ENAH: variants seen among roughly 807,000 people sequenced by gnomAD.
ENAH encodes protein enabled homolog.
In ENAH, 23 loss-of-function variants were observed where a neutral mutation model predicts 78.7. The observed-to-expected ratio is 0.29, with a 90% CI of 0.21 to 0.41. The LOEUF (loss-of-function observed/expected upper bound fraction) is 0.41, where lower values mean the gene tolerates loss of function less well. Among genes scored for constraint, ENAH ranks in the 10% least tolerant of loss-of-function variants. The pLI, the probability that ENAH is intolerant of heterozygous loss-of-function variation, is 1.00. For synonymous variants in ENAH, 226 were observed against 241.0 expected, an observed-to-expected ratio of 0.94 and a Z score of 0.58; for missense variants, 544 against 691.0, an observed-to-expected ratio of 0.79 and a Z score of 2.39.
At chr1:225,505,132 G>T in intron 11 of ENAH, 1 of 1,032,546 alleles carries the variant, frequency 9.7e-7, no homozygotes, top group Non-Finnish European at 1.4e-6. Context: ...TGTTTTATAG[G>T]TTGTTAATAG....
intron 9 of ENAH, 27 bp from the exon 10 acceptor site, chr1:225,511,886 C>G (rs1303325841): frequency 6.8e-7 from 1 of 1,479,848 alleles, no homozygotes; most frequent in African/African-American, 1.4e-5. Flanking sequence ...ATATTAATAT[C>G]ACATCTACCA....
chr1:225,617,601 A>G (rs1049089684), intron 1 of ENAH, among the ~76,000 whole-genome samples: 5 of 152,202 alleles, frequency 3.3e-5, no homozygotes, highest in African/African-American at 1.2e-4. Flanking sequence ...ACAGGATGGC[A>G]ATTAATTTAG....
intron 1 of ENAH, among the ~76,000 whole-genome samples, chr1:225,593,178 C>T (rs926808519): frequency 1.3e-4 from 20 of 152,218 alleles, no homozygotes; most frequent in African/African-American, 4.8e-4. Context: ...AGACTAAAGA[C>T]GTCTAGCCAC....
intron 7 of ENAH, among the ~76,000 whole-genome samples, chr1:225,514,211 G>A (rs1336240040): frequency 1.3e-5 from 2 of 151,988 alleles, no homozygotes; most frequent in Admixed American, 1.3e-4. Flanking sequence ...CTGTCACCCA[G>A]GCTAGAGCGC....
rs1226711919 is a variant in ENAH at position 225,488,626 on chromosome 1, AGTTT to A, written c.*9145_*9148del. 2 of 152,232 alleles carry A rather than the reference AGTTT, an allele frequency of 1.3e-5. No individual in the cohort carries two copies. Among genetic ancestry groups the A allele is most frequent in the Non-Finnish European group, 2.9e-5 (2 of 68,020 alleles). The allele number at this position is 152,232 out of a possible 1,614,324, so 9.4% of individuals were successfully genotyped here. A position where few individuals can be genotyped will look rare whatever the true frequency, so the allele number is the denominator to read the frequency against. ...AAATAGAATTCTTTCTAGCTCATTC[AGTTT>A]TGTTAGAAACACTTCATGTTCTCCA... On this transcript the variant is annotated 3_prime_UTR_variant, in exon 14 of 14. Coordinates refer to ENST00000366843, the MANE Select transcript of ENAH (RefSeq NM_018212.6).
At chr1:225,593,161 C>G (rs952239838) in intron 1 of ENAH, among the ~76,000 whole-genome samples, 4 of 152,070 alleles carry the variant, frequency 2.6e-5, no homozygotes, top group East Asian at 1.9e-4. Flanking sequence ...ACCTTCCCCC[C>G]ACACACAGAC....
At chr1:225,567,506 G>A (rs1876086) in intron 1 of ENAH, 92 bp from the exon 2 acceptor site, 67,027 of 1,257,930 alleles carry the variant, frequency 0.053, 2,100 homozygotes, top group South Asian at 0.1. Flanking sequence ...GTCAGTCAAC[G>A]ATCAGTGCTG....
chr1:225,564,209 G>A (rs994287236), intron 2 of ENAH, among the ~76,000 whole-genome samples: 6 of 152,010 alleles, frequency 3.9e-5, no homozygotes, highest in Non-Finnish European at 8.8e-5. Context: ...CCACCTTCCA[G>A]GTTTAAGTGA....
At chr1:225,604,621 CAA>C (rs762454618) in intron 1 of ENAH, among the ~76,000 whole-genome samples, 31 of 88,928 alleles carry the variant, frequency 3.5e-4, no homozygotes, top group African/African-American at 9.2e-4. Flanking sequence ...CCGTCTCTAC[CAA>C]AAAAAAAAAA....
intron 4 of ENAH, among the ~76,000 whole-genome samples, chr1:225,523,318 A>C (rs565855267): frequency 6.6e-6 from 1 of 151,648 alleles, no homozygotes; most frequent in South Asian, 2.1e-4. Context: ...CACAAGCAGA[A>C]GGCCAGGCAT....
intron 1 of ENAH, among the ~76,000 whole-genome samples, chr1:225,611,105 A>G (rs2096986143): frequency 6.6e-6 from 1 of 152,152 alleles, no homozygotes; most frequent in Non-Finnish European, 1.5e-5. Context: ...GAGGGCATAA[A>G]GTGATGGTTA....
rs186720941 is a variant in ENAH at position 225,525,067 on chromosome 1, C to T, written c.434+5487G>A. Among the ~76,000 whole-genome samples, 16 of 152,230 alleles carry T rather than the reference C, an allele frequency of 1.1e-4. No homozygotes were observed. The East Asian group carries it at 2.9e-3, about 28-fold the overall frequency. On this transcript the variant is annotated intron_variant, in intron 4 of 13. Coordinates refer to ENST00000366843, the MANE Select transcript of ENAH (RefSeq NM_018212.6). ...CAGTAATCCTCTTACTAACGCTCAC[C>T]ACTTCTGATTTTGCTCCCCAGAAGC...
chr1:225,530,339 CA>C (rs903598300), intron 4 of ENAH, among the ~76,000 whole-genome samples: 2 of 149,878 alleles, frequency 1.3e-5, no homozygotes, highest in Non-Finnish European at 3.0e-5. Flanking sequence ...ATAATTTTTA[CA>C]AAAAAAAACA....
chr1:225,646,353 G>T (rs765633255), intron 1 of ENAH, among the ~76,000 whole-genome samples: 8 of 151,988 alleles, frequency 5.3e-5, no homozygotes, highest in Non-Finnish European at 8.8e-5. Context: ...TATGAAATGA[G>T]GAGGAGAGAG....
In ENAH at chr1:225,616,039, G is replaced by A. The variant is rs536802189; in HGVS notation, c.5+36647C>T. Among the ~76,000 whole-genome samples, 40 of 152,120 alleles carry A rather than the reference G, an allele frequency of 2.6e-4. No individual in the cohort carries two copies. In the South Asian group the frequency reaches 7.5e-3, roughly 28 times the overall value. On this transcript the variant is annotated intron_variant, in intron 1 of 13. Coordinates refer to ENST00000366843, the MANE Select transcript of ENAH (RefSeq NM_018212.6). ...AATCTATAACCTTACCCCCAACCCC[G>A]AGCTCTCTAAAACATGTGCTGTGTC...
chr1:225,541,198 G>A (rs2151325231), intron 3 of ENAH, among the ~76,000 whole-genome samples: 1 of 152,312 alleles, frequency 6.6e-6, no homozygotes, highest in East Asian at 1.9e-4. Flanking sequence ...ACTTTGGGAG[G>A]CCAAGGCGTG....
intron 1 of ENAH, among the ~76,000 whole-genome samples, chr1:225,601,533 A>C (rs543545544): frequency 2.1e-4 from 32 of 152,218 alleles, no homozygotes; most frequent in African/African-American, 7.5e-4. Context: ...CAAAAAAAAA[A>C]AAAAGAGAAG....
Position 225,530,040 on chromosome 1 carries a change from G to C in ENAH, c.434+514C>G, listed in dbSNP as rs548366295. The stretch of plus-strand genomic sequence containing the variant: ...CACCATCCTGGTACTCCAAAGGTTA[G>C]CCTGTCAGCCTACGTACTCTGACCA... On this transcript the variant is annotated intron_variant, in intron 4 of 13. Transcript: ENST00000366843. Among the ~76,000 whole-genome samples the C allele has an allele frequency of 2.6e-5, 4 of 152,318 alleles. No homozygotes were observed. The South Asian group carries it at 6.2e-4, about 24-fold the overall frequency.
At chr1:225,647,426 G>C (rs1575864837) in intron 1 of ENAH, among the ~76,000 whole-genome samples, 1 of 152,088 alleles carries the variant, frequency 6.6e-6, no homozygotes. Context: ...TCCTCCAAAG[G>C]GCTTAGAATT....
Sources: allele counts gnomAD v4.1 joint callset (sites outside exome capture counted in the v4.1 genomes callset), GRCh38; gene constraint gnomAD v4.1.1; transcripts MANE v1.5; gene names NCBI Gene and HGNC (gene_info 2026-07-23, HGNC 2026-07-21).